Variants in RALGAPA1 observed in about 807,000 individuals in gnomAD.
RALGAPA1 encodes the protein Ral GTPase activating protein catalytic subunit alpha 1, also known as ral GTPase-activating protein subunit alpha-1.
Under a neutral mutation model 269.6 loss-of-function variants are expected in RALGAPA1, and 52 were observed. The ratio of observed to expected loss-of-function variants is 0.19; its 90% CI spans 0.15 to 0.24. RALGAPA1 has a LOEUF of 0.24. Among genes scored for constraint, RALGAPA1 ranks in the 10% least tolerant of loss-of-function variants. The probability of loss-of-function intolerance (pLI) is 1.00; values close to 1 mark genes in which losing one functional copy is unlikely to be tolerated. For synonymous variants in RALGAPA1, 817 were observed against 1,008.3 expected, an observed-to-expected ratio of 0.81 and a Z score of 3.60; for missense variants, 1,917 against 3,013.9, an observed-to-expected ratio of 0.64 and a Z score of 8.52.
intron 22 of RALGAPA1, among the ~76,000 whole-genome samples, chr14:35,675,585 G>A (rs1304607525): frequency 6.6e-6 from 1 of 152,118 alleles, no homozygotes; most frequent in African/African-American, 2.4e-5. Flanking sequence ...CTTAGTTCTA[G>A]TCTCTTTCTG....
chr14:35,662,946 G>T (rs900459402), intron 27 of RALGAPA1, among the ~76,000 whole-genome samples: 1 of 132,066 alleles, frequency 7.6e-6, no homozygotes, highest in Non-Finnish European at 1.6e-5. Flanking sequence ...TTGGGGGGGG[G>T]GTGGGACAAG....
At chr14:35,741,608 C>T (rs1193723608) in intron 11 of RALGAPA1, among the ~76,000 whole-genome samples, 1 of 152,166 alleles carries the variant, frequency 6.6e-6, no homozygotes, top group Non-Finnish European at 1.5e-5. Flanking sequence ...TCAATCATTC[C>T]TATCTAGATT....
At chr14:35,672,811 A>G (rs982247815) in intron 25 of RALGAPA1, 56 bp downstream of exon 25, 36 of 1,398,532 alleles carry the variant, frequency 2.6e-5, no homozygotes, top group Middle Eastern at 2.6e-4. Context: ...AGAATCAAGA[A>G]TCAAAGATAA....
intron 12 of RALGAPA1, among the ~76,000 whole-genome samples, chr14:35,735,365 A>G (rs1426298620): frequency 6.6e-6 from 1 of 152,220 alleles, no homozygotes; most frequent in Non-Finnish European, 1.5e-5. Flanking sequence ...TAGACAATGG[A>G]ATACTATTCA....
At chr14:35,682,176 G>A (rs992801727) in intron 21 of RALGAPA1, among the ~76,000 whole-genome samples, 7 of 152,134 alleles carry the variant, frequency 4.6e-5, no homozygotes, top group African/African-American at 1.7e-4. Context: ...CATAATAAAC[G>A]TATGTTTAAC....
At chr14:35,607,153 G>A (rs781420305) in intron 35 of RALGAPA1, among the ~76,000 whole-genome samples, 62 of 149,120 alleles carry the variant, frequency 4.2e-4, no homozygotes, top group Non-Finnish European at 6.7e-4. Context: ...AGAGCAAACA[G>A]GGAAATATTC....
chr14:35,791,208 G>A (rs1180991160), intron 1 of RALGAPA1, among the ~76,000 whole-genome samples: 1 of 152,162 alleles, frequency 6.6e-6, no homozygotes, highest in East Asian at 1.9e-4. Flanking sequence ...CTTCAGGCAT[G>A]GGAGAATCCA....
chr14:35,676,061 T>C (rs1285078472), intron 22 of RALGAPA1, among the ~76,000 whole-genome samples: 1 of 152,028 alleles, frequency 6.6e-6, no homozygotes, highest in Non-Finnish European at 1.5e-5. Context: ...CACACTGAAG[T>C]GTTAACCATT....
intron 15 of RALGAPA1, among the ~76,000 whole-genome samples, chr14:35,722,233 A>G (rs1935584470): frequency 6.6e-6 from 1 of 152,260 alleles, no homozygotes; most frequent in Non-Finnish European, 1.5e-5. Context: ...AGTCCAGGAA[A>G]AAGTAGTTTG....
chr14:35,716,143 C>G, intron 16 of RALGAPA1: 1 of 963,974 alleles, frequency 1.0e-6, no homozygotes, highest in Non-Finnish European at 1.2e-6. Flanking sequence ...CCTATAATCC[C>G]AGCACTTTGG....
chr14:35,587,254 G>C (rs1465998558), intron 37 of RALGAPA1, among the ~76,000 whole-genome samples: 1 of 152,260 alleles, frequency 6.6e-6, no homozygotes, highest in African/African-American at 2.4e-5. Context: ...TTGCGTAGAG[G>C]TGTTTATAGT....
intron 39 of RALGAPA1, among the ~76,000 whole-genome samples, chr14:35,563,845 C>T (rs1411023973): frequency 1.3e-5 from 2 of 152,102 alleles, no homozygotes; most frequent in Admixed American, 6.6e-5. Context: ...GAGTTTCTCT[C>T]TTGTCGCCCA....
intron 34 of RALGAPA1, among the ~76,000 whole-genome samples, chr14:35,626,529 C>A (rs2060997741): frequency 6.6e-6 from 1 of 152,092 alleles, no homozygotes; most frequent in Non-Finnish European, 1.5e-5. Context: ...GAGGTGGGTA[C>A]TACTCTCAAT....
chr14:35,767,415 CA>C (rs1771284592), intron 4 of RALGAPA1, among the ~76,000 whole-genome samples: 1 of 152,158 alleles, frequency 6.6e-6, no homozygotes, highest in Admixed American at 6.5e-5. Flanking sequence ...GGGCCAGGCG[CA>C]GTGACTCACA....
intron 31 of RALGAPA1, among the ~76,000 whole-genome samples, chr14:35,643,190 G>T (rs2062146013): frequency 6.6e-6 from 1 of 152,004 alleles, no homozygotes. Context: ...CGAGGGGTGG[G>T]GGGAGGCGGG....
chr14:35,760,259 G>T (rs1157523110), intron 6 of RALGAPA1, among the ~76,000 whole-genome samples: 1 of 152,060 alleles, frequency 6.6e-6, no homozygotes, highest in Non-Finnish European at 1.5e-5. Flanking sequence ...GTCCTTCCCA[G>T]GGCTAGCCAG....
At chr14:35,740,733 G>A (rs1436823825) in intron 11 of RALGAPA1, among the ~76,000 whole-genome samples, 4 of 152,158 alleles carry the variant, frequency 2.6e-5, no homozygotes, top group East Asian at 3.8e-4. Context: ...GCTTGAACCC[G>A]GGAGGTGGAG....
intron 27 of RALGAPA1, among the ~76,000 whole-genome samples, chr14:35,660,247 T>TA (rs1252478795): frequency 3.3e-5 from 5 of 151,994 alleles, no homozygotes; most frequent in African/African-American, 1.2e-4. Context: ...TGACATAATC[T>TA]AATATATAAA....
intron 28 of RALGAPA1, among the ~76,000 whole-genome samples, chr14:35,657,338 G>A (rs1161285640): frequency 6.6e-6 from 1 of 151,614 alleles, no homozygotes; most frequent in Non-Finnish European, 1.5e-5. Context: ...ACAGGGGCAC[G>A]CTACGACACC....
Sources: gnomAD v4.1 joint callset for allele counts (sites outside exome capture counted in the v4.1 genomes callset) on GRCh38, gnomAD v4.1.1 for gene constraint, MANE v1.5 for transcripts, NCBI Gene and HGNC (gene_info 2026-07-23, HGNC 2026-07-21) for gene names.